Variants in MAMLD1 observed in about 807,000 individuals in gnomAD.
The protein encoded by MAMLD1 is mastermind-like domain-containing protein 1.
A neutral mutation model predicts 45.0 loss-of-function variants in MAMLD1; 14 were observed. The observed-to-expected ratio is 0.31, with a 90% CI of 0.21 to 0.49. The LOEUF is 0.49. Ranked by LOEUF, MAMLD1 falls within the 20% of genes least tolerant of loss-of-function variation. The probability of loss-of-function intolerance (pLI) is 0.99; values close to 1 mark genes in which losing one functional copy is unlikely to be tolerated. For synonymous variants in MAMLD1, 254 were observed against 247.8 expected, an observed-to-expected ratio of 1.02 and a Z score of -0.24; for missense variants, 543 against 603.6, an observed-to-expected ratio of 0.90 and a Z score of 1.05.
intron 5 of MAMLD1, among the ~76,000 whole-genome samples, chrX:150,499,085 C>G (rs1184180604): frequency 8.9e-6 from 1 of 111,956 alleles, no homozygotes. Context: ...TCACAAGTGA[C>G]TTGAACAACG....
chrX:150,460,847 T>C (rs2036014188), intron 2 of MAMLD1, among the ~76,000 whole-genome samples: 1 of 112,131 alleles, frequency 8.9e-6, no homozygotes, highest in Admixed American at 9.4e-5. Context: ...AATGTACCAG[T>C]AGCCCCTCTA....
At chrX:150,438,042 T>C (rs2035177716) in intron 1 of MAMLD1, among the ~76,000 whole-genome samples, 1 of 111,370 alleles carries the variant, frequency 9.0e-6, no homozygotes, top group East Asian at 2.8e-4. Flanking sequence ...GTATCAACTG[T>C]GTATTTCTTT....
intron 1 of MAMLD1, chrX:150,420,920 AGC>A (rs2034478384): frequency 8.9e-6 from 1 of 112,868 alleles, no homozygotes; most frequent in Non-Finnish European, 1.9e-5. Flanking sequence ...CCAGAGGTGG[AGC>A]CTACAGAGGC....
At chrX:150,420,663 G>T (rs1419532442) in intron 1 of MAMLD1, among the ~76,000 whole-genome samples, 3 of 112,269 alleles carry the variant, frequency 2.7e-5, no homozygotes, top group African/African-American at 9.7e-5. Flanking sequence ...TAACAGAGAG[G>T]ACCCTCAGCT....
chrX:150,365,558 T>C (rs1293954154), intron 1 of MAMLD1, among the ~76,000 whole-genome samples: 4 of 112,836 alleles, frequency 3.5e-5, no homozygotes, highest in Non-Finnish European at 7.5e-5. Flanking sequence ...CGGGCGCCCC[T>C]CGCCGCCGGA....
intron 5 of MAMLD1, among the ~76,000 whole-genome samples, chrX:150,488,864 A>T (rs1170978644): frequency 8.8e-6 from 1 of 113,104 alleles, no homozygotes; most frequent in Non-Finnish European, 1.9e-5. Context: ...ATGGTGGGAC[A>T]CCAGCACCTT....
At chrX:150,454,288 C>T (rs782579573) in intron 2 of MAMLD1, among the ~76,000 whole-genome samples, 25 of 112,109 alleles carry the variant, frequency 2.2e-4, no homozygotes, top group African/African-American at 7.8e-4. Context: ...TAAAATACCT[C>T]CAGGAAATCA....
intron 1 of MAMLD1, among the ~76,000 whole-genome samples, chrX:150,441,251 T>A (rs2035308701): frequency 9.2e-6 from 1 of 108,122 alleles, no homozygotes; most frequent in African/African-American, 3.3e-5. Flanking sequence ...ACATTGTTGT[T>A]AGCTATGGTC....
At chrX:150,424,147 C>T (rs2034622428) in intron 1 of MAMLD1, among the ~76,000 whole-genome samples, 1 of 112,356 alleles carries the variant, frequency 8.9e-6, no homozygotes, top group Non-Finnish European at 1.9e-5. Flanking sequence ...AATAAGTTTT[C>T]AGCACATGGT....
intron 5 of MAMLD1, among the ~76,000 whole-genome samples, chrX:150,487,957 C>T (rs2037048069): frequency 8.9e-6 from 1 of 112,886 alleles, no homozygotes; most frequent in African/African-American, 3.2e-5. Context: ...GAGCAGATTC[C>T]AGTCACAGTA....
chrX:150,395,021 G>A (rs900242728), intron 1 of MAMLD1, among the ~76,000 whole-genome samples: 7 of 112,036 alleles, frequency 6.2e-5, no homozygotes, highest in Admixed American at 5.7e-4. Flanking sequence ...CCCAATCTTA[G>A]TAGGAAAGCT....
rs150321361 is a variant in MAMLD1 at position 150,465,002 on chromosome X, T to C, written c.171+2156T>C. Among the ~76,000 whole-genome samples the C allele has an allele frequency of 9.8e-3, 1,101 of 112,216 alleles. 9 individuals are homozygous for C. Among genetic ancestry groups the C allele is most frequent in the African/African-American group, 0.034 (1,041 of 30,826 alleles). On this transcript the variant is annotated intron_variant, in intron 3 of 7. Transcript: ENST00000370401. ...GGCGATTTTCACCTTTTTGACAATTTTGCCCAGGGCCTACAAGCCCAGTGC... is the reference window on the plus strand; with the variant it reads ...GGCGATTTTCACCTTTTTGACAATTCTGCCCAGGGCCTACAAGCCCAGTGC...
intron 5 of MAMLD1, among the ~76,000 whole-genome samples, chrX:150,499,976 T>A (rs183907016): frequency 3.0e-4 from 34 of 112,395 alleles, no homozygotes; most frequent in African/African-American, 1.1e-3. Context: ...CACCAGATTA[T>A]AATCTCCCAA....
chrX:150,472,714 C>T (rs1178786100), intron 4 of MAMLD1, among the ~76,000 whole-genome samples: 1 of 112,061 alleles, frequency 8.9e-6, no homozygotes, highest in Non-Finnish European at 1.9e-5. Context: ...GTCACAGTCT[C>T]TATGACCTGG....
At chrX:150,369,192 G>A (rs1319169187) in intron 1 of MAMLD1, among the ~76,000 whole-genome samples, 9 of 108,915 alleles carry the variant, frequency 8.3e-5, no homozygotes, top group African/African-American at 3.0e-4. Flanking sequence ...GCATTGCACA[G>A]ATCATTAGCC....
chrX:150,462,910 G>A (rs2036094939), intron 3 of MAMLD1, 64 bp downstream of exon 3: 1 of 860,786 alleles, frequency 1.2e-6, no homozygotes, highest in Non-Finnish European at 1.7e-6. Flanking sequence ...GAGGCCCCGA[G>A]TGTGAAAGGG....
intron 5 of MAMLD1, among the ~76,000 whole-genome samples, chrX:150,474,304 TC>T (rs1711787385): frequency 8.9e-6 from 1 of 112,682 alleles, no homozygotes; most frequent in African/African-American, 3.2e-5. Context: ...ACACTCATAC[TC>T]CCATGCATGG....
chrX:150,465,380 A>G (rs1375975952), intron 3 of MAMLD1, among the ~76,000 whole-genome samples: 1 of 112,375 alleles, frequency 8.9e-6, no homozygotes, highest in East Asian at 2.8e-4. Flanking sequence ...TGTTGACTTC[A>G]GAGCTGAACT....
chrX:150,477,432 G>A (rs1253434774), intron 5 of MAMLD1, among the ~76,000 whole-genome samples: 1 of 111,998 alleles, frequency 8.9e-6, no homozygotes, highest in Non-Finnish European at 1.9e-5. Flanking sequence ...AGGGGTGGAC[G>A]GTGACTTGGA....
Sources: allele counts gnomAD v4.1 joint callset (sites outside exome capture counted in the v4.1 genomes callset), GRCh38; gene constraint gnomAD v4.1.1; transcripts MANE v1.5; gene names NCBI Gene and HGNC (gene_info 2026-07-23, HGNC 2026-07-21).